GRIP2: variants seen among roughly 807,000 people sequenced by gnomAD.
GRIP2 encodes glutamate receptor-interacting protein 2.
Under a neutral mutation model 108.3 loss-of-function variants are expected in GRIP2, and 58 were observed. The ratio of observed to expected loss-of-function variants is 0.54; its 90% CI spans 0.43 to 0.67. The LOEUF (loss-of-function observed/expected upper bound fraction) is 0.67. Ranked by LOEUF, GRIP2 falls within the 30% of genes least tolerant of loss-of-function variation. The probability of loss-of-function intolerance (pLI) is 0.00; values close to 1 mark genes in which losing one functional copy is unlikely to be tolerated. For synonymous variants in GRIP2, 586 were observed against 598.2 expected (o/e 0.98, Z 0.30); for missense variants, 1,278 against 1,430.6 (o/e 0.89, Z 1.72).
chr3:14,602,465 G>A, the GRIP2 span, among the ~76,000 whole-genome samples: 1 of 152,060 alleles, frequency 6.6e-6, no homozygotes, highest in Admixed American at 6.5e-5. This position sits in a 1 kb window ranked among gnomAD's most constrained non-coding sequence, Gnocchi z 4.7. Flanking sequence ...GCAGCCTCGG[G>A]GGCCAAAGGA....
the GRIP2 span, among the ~76,000 whole-genome samples, chr3:14,596,566 G>C: frequency 6.6e-6 from 1 of 152,052 alleles, no homozygotes; most frequent in African/African-American, 2.4e-5. Context: ...ACTAGTCACC[G>C]GGAATACAGT....
chr3:14,574,004 C>G, the GRIP2 span: 1 of 1,266,134 alleles, frequency 7.9e-7, no homozygotes, highest in Non-Finnish European at 1.1e-6. Flanking sequence ...ACTTGGCACC[C>G]AGGTGGATGA....
In GRIP2 at chr3:14,531,657, G is replaced by A. The variant is rs73817918; in HGVS notation, c.41-5726C>T. ...GGCCTTGGGAGGAGGTAGGTGCTGC[G>A]ATCACACCCATTTGACAGACGAGGA... On this transcript the variant is annotated intron_variant, in intron 1 of 23. Transcript: ENST00000621039. Among the ~76,000 whole-genome samples, 791 of 152,260 alleles carry A rather than the reference G, an allele frequency of 5.2e-3. 5 individuals carry two copies. The highest frequency in any genetic ancestry group is 0.018 in the African/African-American group (741 of 41,532).
At chr3:14,553,648 G>A (rs566752794) in intron 1 of GRIP2, among the ~76,000 whole-genome samples, 21 of 152,260 alleles carry the variant, frequency 1.4e-4, no homozygotes, top group African/African-American at 4.8e-4. Flanking sequence ...AAACCTGGGG[G>A]CCTTACCCAG....
At chr3:14,508,680 C>A (rs1693998060) in intron 17 of GRIP2, among the ~76,000 whole-genome samples, 2 of 152,080 alleles carry the variant, frequency 1.3e-5, no homozygotes. Context: ...CTGCTGAGCC[C>A]CTCAAATGTG....
Position 14,520,118 on chromosome 3 carries a change from G to A in GRIP2, c.1022C>T (p.Ser341Leu), listed in dbSNP as rs1694362398. The part of the protein sequence containing the change: ...VPQSQRPLRP[S>L]EAVKVQRSEQ... The stretch of plus-strand genomic sequence containing the variant: ...CTACTGAGGGGACCCACCTGCCTCT[G>A]AGGGCCTCAGTGGCCGCTGACTCTG... Residue 341 changes from serine to leucine, a missense_variant, in exon 9 of 24, where the codon TCA becomes TTA. Ser to Leu is a moderately radical substitution (Grantham distance 145). Coordinates refer to ENST00000621039, the MANE Select transcript of GRIP2 (RefSeq NM_001080423.4). 1.3e-6 allele frequency: 2 copies of A among 1,599,476 alleles called. No homozygotes were observed. Among genetic ancestry groups the A allele is most frequent in the Non-Finnish European group, 1.7e-6 (2 of 1,174,296 alleles).
upstream of GRIP2, chr3:14,542,073 C>T: frequency 7.4e-7 from 1 of 1,348,730 alleles, no homozygotes; most frequent in Non-Finnish European, 9.9e-7. Context: ...TCAGGGAGGA[C>T]AGGCGCATGG....
chr3:14,514,159 C>T (rs1401566001), intron 12 of GRIP2, 133 bp downstream of exon 12: 7 of 882,492 alleles, frequency 7.9e-6, no homozygotes, highest in Non-Finnish European at 1.2e-5. Context: ...GTTTCCTCAT[C>T]TGTAAAATGG....
At chr3:14,542,140 C>CTTTTTAT (rs1423361797), upstream of GRIP2, 2 of 1,100,162 alleles carry the variant, frequency 1.8e-6, no homozygotes, top group African/African-American at 3.3e-5. Context: ...CTCTTTCTCT[C>CTTTTTAT]TTTTTATTTT....
Position 14,489,981 on chromosome 3 carries a change from G to A in GRIP2, c.*3684C>T, listed in dbSNP as rs1206468259. On this transcript the variant is annotated 3_prime_UTR_variant, in exon 24 of 24. Transcript: ENST00000621039. Reference sequence around the variant, plus strand: ...AACAGCGCCCCCCACCCTTTGGGATGGACAAACTCGGGAGTCAGTTGAGCC... The same window carrying A: ...AACAGCGCCCCCCACCCTTTGGGATAGACAAACTCGGGAGTCAGTTGAGCC... The A allele has an allele frequency of 2.0e-5, 3 of 152,224 alleles. No homozygotes were observed. The highest frequency in any genetic ancestry group is 2.9e-5 in the Non-Finnish European group (2 of 68,060). 9.4% of individuals were successfully genotyped at this position (152,224 alleles called of 1,614,324 possible).
chr3:14,542,743 C>A (rs1694998330), upstream of GRIP2, among the ~76,000 whole-genome samples: 1 of 152,214 alleles, frequency 6.6e-6, no homozygotes. Flanking sequence ...CGACACCCTA[C>A]TGAGCACATT....
intron 16 of GRIP2, among the ~76,000 whole-genome samples, chr3:14,510,354 T>C (rs1694053347): frequency 1.3e-5 from 2 of 149,824 alleles, no homozygotes; most frequent in Non-Finnish European, 3.0e-5. Context: ...TACCTCTGCT[T>C]CCAGGGTTCA....
the GRIP2 span, among the ~76,000 whole-genome samples, chr3:14,592,746 C>T: frequency 6.6e-6 from 1 of 152,306 alleles, no homozygotes; most frequent in East Asian, 1.9e-4. Context: ...CCTCCATTTC[C>T]CCATCTGCAG....
At chr3:14,552,105 T>C (rs956130710) in intron 1 of GRIP2, among the ~76,000 whole-genome samples, 1 of 152,176 alleles carries the variant, frequency 6.6e-6, no homozygotes, top group African/African-American at 2.4e-5. Context: ...CCACCATAGC[T>C]GATCTGAAAT....
intron 1 of GRIP2, among the ~76,000 whole-genome samples, chr3:14,549,763 G>A (rs555486346): frequency 2.6e-4 from 39 of 152,254 alleles, no homozygotes; most frequent in Middle Eastern, 3.4e-3. Flanking sequence ...ATCATCAATC[G>A]TTTCATTTTA....
At chr3:14,538,913 C>G (rs1468518529) in intron 1 of GRIP2, among the ~76,000 whole-genome samples, 1 of 152,216 alleles carries the variant, frequency 6.6e-6, no homozygotes, top group Non-Finnish European at 1.5e-5. Context: ...GAGACACCTC[C>G]CTGGCAGTGC....
intron 9 of GRIP2, among the ~76,000 whole-genome samples, chr3:14,519,197 G>A (rs751033409): frequency 6.6e-6 from 1 of 152,196 alleles, no homozygotes; most frequent in Non-Finnish European, 1.5e-5. Flanking sequence ...CATTCAGTGT[G>A]GCTTTTTCAG....
chr3:14,601,810 C>T, the GRIP2 span, among the ~76,000 whole-genome samples: 1 of 152,160 alleles, frequency 6.6e-6, no homozygotes, highest in East Asian at 1.9e-4. Context: ...GAAACTTTCC[C>T]ACTAGACTGA....
At position 14,511,149 on chromosome 3, in the gene GRIP2, A is replaced by G; in HGVS notation, c.1933+16T>C. The G allele has an allele frequency of 5.6e-6, 9 of 1,613,332 alleles. No homozygotes were observed. Among genetic ancestry groups the G allele is most frequent in the Non-Finnish European group, 7.6e-6 (9 of 1,179,576 alleles). ...GGTGGGCCTCTGGAGGTAGGAGGCC[A>G]GCATGAGGGCCATACCAGAGTTGTC... On this transcript the variant is annotated intron_variant, in intron 16 of 23. Coordinates refer to ENST00000621039, the MANE Select transcript of GRIP2 (RefSeq NM_001080423.4). This position sits in a 1 kb window ranked among gnomAD's most constrained non-coding sequence, Gnocchi z 4.1.
Sources: allele counts gnomAD v4.1 joint callset (sites outside exome capture counted in the v4.1 genomes callset), GRCh38; gene constraint gnomAD v4.1.1; non-coding constraint Gnocchi (gnomAD v3.1); transcripts MANE v1.5; gene names NCBI Gene and HGNC (gene_info 2026-07-23, HGNC 2026-07-21).